DLG2: variants seen among roughly 807,000 people sequenced by gnomAD.
DLG2 encodes the protein disks large homolog 2.
In DLG2, 45 loss-of-function variants were observed where a neutral mutation model predicts 132.5. That is an observed-to-expected ratio of 0.34 (90% CI 0.27 to 0.44). DLG2 has a LOEUF of 0.44. DLG2 is among the 20% of genes least tolerant of loss of function. The pLI is 1.00. For synonymous variants in DLG2, 424 were observed against 419.6 expected (o/e 1.01, Z -0.13); for missense variants, 1,045 against 1,196.9 (o/e 0.87, Z 1.87).
intron 7 of DLG2, among the ~76,000 whole-genome samples, chr11:84,347,221 T>G (rs999298418): frequency 6.6e-6 from 1 of 151,794 alleles, no homozygotes. Context: ...TGCATTGGGG[T>G]GGGGGTGAAG....
chr11:84,985,582 G>A lies in DLG2; in HGVS notation c.357+126079C>T, dbSNP rs1008459497. Reference sequence around the variant, plus strand: ...CACCTCAAGAAAAAAAGACAAACATGAACAAACCAAACACAAACCCAGCAG... The same window carrying A: ...CACCTCAAGAAAAAAAGACAAACATAAACAAACCAAACACAAACCCAGCAG... On this transcript the variant is annotated intron_variant, in intron 6 of 27. Transcript: ENST00000376104. 4.6e-5 allele frequency among the ~76,000 whole-genome samples: 7 copies of A among 151,832 alleles called. 1 individual carries two copies. Among genetic ancestry groups the A allele is most frequent in the South Asian group, 4.2e-4 (2 of 4,810 alleles).
chr11:85,622,910 T>C (rs1335923322), intron 2 of DLG2, among the ~76,000 whole-genome samples: 2 of 151,874 alleles, frequency 1.3e-5, no homozygotes, highest in Non-Finnish European at 1.5e-5. Flanking sequence ...ATACAAAAAT[T>C]AGCCAGGTGT....
intron 8 of DLG2, 52 bp downstream of exon 8, chr11:84,251,186 A>G (rs1425341514): frequency 4.3e-6 from 5 of 1,161,798 alleles, no homozygotes; most frequent in Non-Finnish European, 6.1e-6. Flanking sequence ...AATTCAGCCA[A>G]TTAAGTTCTA....
At chr11:85,350,801 C>T (rs905361245) in intron 3 of DLG2, among the ~76,000 whole-genome samples, 3 of 151,858 alleles carry the variant, frequency 2.0e-5, no homozygotes, top group South Asian at 2.1e-4. Context: ...ATGCTATTTT[C>T]GTTACTATAG....
chr11:83,898,891 C>G (rs1166896161), intron 15 of DLG2, among the ~76,000 whole-genome samples: 2 of 152,112 alleles, frequency 1.3e-5, no homozygotes, highest in East Asian at 1.9e-4. Context: ...AAAAATATGA[C>G]TATAGCATAA....
chr11:85,399,462 C>T (rs985206275), intron 3 of DLG2, among the ~76,000 whole-genome samples: 7 of 152,184 alleles, frequency 4.6e-5, no homozygotes, highest in East Asian at 1.9e-4. Flanking sequence ...AAAAAGAGCC[C>T]GCATCACCAA....
At chr11:84,884,510 C>T (rs1002813582) in intron 6 of DLG2, among the ~76,000 whole-genome samples, 1 of 152,022 alleles carries the variant, frequency 6.6e-6, no homozygotes, top group Admixed American at 6.6e-5. Context: ...GCTTTATAGT[C>T]CTAAGGAAAT....
intron 7 of DLG2, among the ~76,000 whole-genome samples, chr11:84,434,721 A>T (rs1418527889): frequency 4.6e-5 from 7 of 152,148 alleles, no homozygotes; most frequent in Admixed American, 2.6e-4. Flanking sequence ...GAGGCAAAAC[A>T]GTAGACAAGA....
At chr11:85,090,155 G>C (rs1445133335) in intron 6 of DLG2, among the ~76,000 whole-genome samples, 1 of 152,176 alleles carries the variant, frequency 6.6e-6, no homozygotes, top group Non-Finnish European at 1.5e-5. Context: ...AGATAAACCA[G>C]TGGGGATGAT....
chr11:84,152,711 T>C (rs1014745584), intron 9 of DLG2, among the ~76,000 whole-genome samples: 4 of 152,166 alleles, frequency 2.6e-5, no homozygotes, highest in African/African-American at 7.2e-5. Context: ...ATTTGCATGA[T>C]AGGTCTTTCT....
chr11:85,073,176 A>G (rs191954000), intron 6 of DLG2, among the ~76,000 whole-genome samples: 2 of 151,866 alleles, frequency 1.3e-5, no homozygotes, highest in Admixed American at 6.6e-5. Flanking sequence ...ATATATTCAT[A>G]CAGACAGACC....
chr11:83,667,975 C>CG (rs754892100), intron 18 of DLG2, among the ~76,000 whole-genome samples: 2 of 39,600 alleles, frequency 5.1e-5, no homozygotes, highest in Admixed American at 8.6e-4. Context: ...GACTCCGTCT[C>CG]AAAAAAAAAA....
At chr11:84,414,590 G>T (rs2098922390) in intron 7 of DLG2, among the ~76,000 whole-genome samples, 2 of 152,126 alleles carry the variant, frequency 1.3e-5, no homozygotes, top group South Asian at 4.1e-4. Context: ...CGGCTTACAT[G>T]AGTATCCTTT....
chr11:84,260,253 T>C (rs2097533734), intron 7 of DLG2, among the ~76,000 whole-genome samples: 1 of 152,100 alleles, frequency 6.6e-6, no homozygotes, highest in South Asian at 2.1e-4. Context: ...TCAAATGTGG[T>C]TTAGTCAATG....
rs1052923122 is a variant in DLG2 at position 84,116,511 on chromosome 11, T to C, written c.625-17464A>G. ...ACATGGTGGCAGGCACGAGAGCCTG[T>C]GCAGGGGAACTGCCCTTTTATAAAA... On this transcript the variant is annotated intron_variant, in intron 9 of 27. Transcript: ENST00000376104. Among the ~76,000 whole-genome samples, 9 of 152,276 alleles carry C rather than the reference T, an allele frequency of 5.9e-5. No homozygotes were observed. The East Asian group carries it at 1.6e-3, about 26-fold the overall frequency.
intron 6 of DLG2, among the ~76,000 whole-genome samples, chr11:84,859,689 A>C (rs537590590): frequency 1.3e-5 from 2 of 151,980 alleles, no homozygotes; most frequent in East Asian, 3.9e-4. Flanking sequence ...TTATCTTTCC[A>C]TTCTACAAAG....
At chr11:84,591,685 A>G (rs1485298298) in intron 6 of DLG2, among the ~76,000 whole-genome samples, 2 of 151,846 alleles carry the variant, frequency 1.3e-5, no homozygotes, top group African/African-American at 4.8e-5. Context: ...AATAAAAATA[A>G]TAATAAAAAA....
At chr11:84,720,464 A>G in intron 6 of DLG2, 6 of 985,170 alleles carry the variant, frequency 6.1e-6, no homozygotes, top group Non-Finnish European at 7.2e-6. Context: ...GGGCACATGG[A>G]GCGACAGCCT....
intron 17 of DLG2, among the ~76,000 whole-genome samples, chr11:83,815,785 G>C (rs971773546): frequency 6.6e-6 from 1 of 152,172 alleles, no homozygotes; most frequent in African/African-American, 2.4e-5. Flanking sequence ...CCTCATGGGG[G>C]CCTCTGGAAA....
Sources: allele counts gnomAD v4.1 joint callset (sites outside exome capture counted in the v4.1 genomes callset), GRCh38; gene constraint gnomAD v4.1.1; transcripts MANE v1.5; gene names NCBI Gene and HGNC (gene_info 2026-07-23, HGNC 2026-07-21).